The following ENPP2 variants were observed in gnomAD, a reference collection of about 807,000 sequenced individuals.
The protein encoded by ENPP2 is ectonucleotide pyrophosphatase/phosphodiesterase 2.
Under a neutral mutation model 120.2 loss-of-function variants are expected in ENPP2, and 51 were observed. The ratio of observed to expected loss-of-function variants is 0.42; its 90% CI spans 0.34 to 0.54. ENPP2 has a LOEUF of 0.54. Ranked by LOEUF, ENPP2 falls within the 20% of genes least tolerant of loss-of-function variation. The pLI, the probability that ENPP2 is intolerant of heterozygous loss-of-function variation, is 0.04. For synonymous variants in ENPP2, 365 were observed against 366.4 expected, an observed-to-expected ratio of 1.00 and a Z score of 0.04; for missense variants, 920 against 1,066.5, an observed-to-expected ratio of 0.86 and a Z score of 1.91.
Position 119,570,833 on chromosome 8 carries a change from G to A in ENPP2, c.1789C>T (p.Leu597Phe), listed in dbSNP as rs1370166755. The A allele has an allele frequency of 3.9e-6, 6 of 1,545,168 alleles. No individual in the cohort carries two copies. In the East Asian group the frequency reaches 1.4e-4, roughly 37 times the overall value. Residue 597 changes from leucine (L) to phenylalanine (F), a missense_variant, in exon 20 of 25, where the codon CTC becomes TTC. Leu to Phe is a conservative substitution (Grantham distance 22). Transcript: ENST00000075322. Reference sequence around the variant, plus strand: ...AGCACTGCAGGTCGCCCATAGAGGAGGTGTCTCTCTAAAAAAGAAAAAAAA... The same window carrying A: ...AGCACTGCAGGTCGCCCATAGAGGAAGTGTCTCTCTAAAAAAGAAAAAAAA... ...HTKGSTEERH[L>F]LYGRPAVLYR... is the part of the protein sequence containing the mutation.
chr8:119,567,496 TCATTGTGC>T (rs550587981), intron 22 of ENPP2, among the ~76,000 whole-genome samples: 24 of 152,342 alleles, frequency 1.6e-4, no homozygotes, highest in African/African-American at 4.3e-4. Context: ...GTGCCCGAGC[TCATTGTGC>T]CTATACAATT....
intron 2 of ENPP2, among the ~76,000 whole-genome samples, chr8:119,627,081 CT>C (rs1210746262): frequency 6.6e-6 from 1 of 151,884 alleles, no homozygotes; most frequent in Non-Finnish European, 1.5e-5. Context: ...ATTAGTGCCC[CT>C]GTGGGTGCTA....
intron 11 of ENPP2, among the ~76,000 whole-genome samples, chr8:119,600,391 C>T (rs1814213910): frequency 1.3e-5 from 2 of 152,150 alleles, no homozygotes. Flanking sequence ...ATTATTCACC[C>T]TCCAACTGAC....
Position 119,633,847 on chromosome 8 carries a change from C to T in ENPP2, c.136+4578G>A, listed in dbSNP as rs1212920518. Among the ~76,000 whole-genome samples, 3 of 151,688 alleles carry T rather than the reference C, an allele frequency of 2.0e-5. No homozygotes were observed. In the East Asian group the frequency reaches 5.8e-4, roughly 29 times the overall value. On this transcript the variant is annotated intron_variant, in intron 2 of 24. Transcript: ENST00000075322. ...TTTTTTTTTTAATAAAGAGGTCCAC[C>T]TGGGAAGTTTTTAAACACCTGTGCT... is the stretch of plus-strand genomic sequence containing the variant.
chr8:119,596,119 T>A, intron 11 of ENPP2: 1 of 900,726 alleles, frequency 1.1e-6, no homozygotes, highest in Non-Finnish European at 1.7e-6. Context: ...TAAGGCTCCT[T>A]AAGTGAGAAA....
At chr8:119,601,242 G>A (rs1814282875) in intron 10 of ENPP2, among the ~76,000 whole-genome samples, 155 bp downstream of exon 10, 1 of 152,166 alleles carries the variant, frequency 6.6e-6, no homozygotes, top group Non-Finnish European at 1.5e-5. Context: ...AAAGTCTATT[G>A]TATCCTTCTT....
intron 19 of ENPP2, chr8:119,572,202 A>C (rs953772476): frequency 6.4e-7 from 1 of 1,555,294 alleles, no homozygotes; most frequent in Admixed American, 1.9e-5. Context: ...ATTTCCATTA[A>C]TGTTTTCCTT....
intron 1 of ENPP2, among the ~76,000 whole-genome samples, chr8:119,667,893 A>T (rs918162697): frequency 6.6e-6 from 1 of 152,070 alleles, no homozygotes; most frequent in Non-Finnish European, 1.5e-5. Context: ...CTCCAGTCTC[A>T]TTTCTCTCAT....
At chr8:119,576,567 G>T (rs1464059896) in intron 19 of ENPP2, among the ~76,000 whole-genome samples, 1 of 152,134 alleles carries the variant, frequency 6.6e-6, no homozygotes, top group South Asian at 2.1e-4. Context: ...GCTAACCTAA[G>T]AAAATATGAA....
chr8:119,617,904 G>T, intron 5 of ENPP2, among the ~76,000 whole-genome samples: 2 of 152,132 alleles, frequency 1.3e-5, no homozygotes, highest in South Asian at 4.2e-4. Flanking sequence ...AGCTGAGATC[G>T]CACCATTGCA....
rs768489797 is a variant in ENPP2, at chr8:119,562,905, C to T, written c.2373G>A (p.Val791=). 1 of 1,614,150 alleles carries T rather than the reference C, an allele frequency of 6.2e-7. No individual in the cohort carries two copies. Among genetic ancestry groups the T allele is most frequent in the South Asian group, 1.1e-5 (1 of 91,080 alleles). The change falls in exon 24 of 25, where the codon GTG becomes GTA. Residue 791 remains valine, a synonymous_variant. Coordinates refer to ENST00000075322, the MANE Select transcript of ENPP2 (RefSeq NM_001040092.3). ...GCCGGTGAGGCAGGATGAAGGAGGA[C>T]ACAGAGAGAGGGCCGTCACACTTGT... ...PADKCDGPLS[V]SSFILPHRPD... is the part of the protein sequence containing the mutation.
chr8:119,576,677 T>C (rs1812365562), intron 19 of ENPP2, among the ~76,000 whole-genome samples: 1 of 152,214 alleles, frequency 6.6e-6, no homozygotes, highest in Non-Finnish European at 1.5e-5. Flanking sequence ...GTGCCAGAAT[T>C]GCTTGCTACA....
rs768719368 is a variant in ENPP2, at chr8:119,580,119, C to T, written c.1777G>A (p.Glu593Lys). Residue 593 changes from glutamate (E) to lysine (K), a missense_variant, in exon 19 of 25, where the codon GAA becomes AAA. By Grantham distance (56) the Glu-to-Lys change is moderately conservative. Coordinates refer to ENST00000075322, the MANE Select transcript of ENPP2 (RefSeq NM_001040092.3). ...NKRLHTKGST[E>K]ERHLLYGRPA... ...TTATTTTGCAACCACCCCTTACCTT[C>T]TGTAGACCCTTTTGTATGAAGCCGT... 1.9e-6 allele frequency: 3 copies of T among 1,612,324 alleles called. No homozygotes were observed. In the East Asian group the frequency reaches 6.7e-5, roughly 36 times the overall value.
intron 1 of ENPP2, among the ~76,000 whole-genome samples, chr8:119,656,165 A>T (rs12676423): frequency 1.3e-5 from 2 of 152,064 alleles, no homozygotes; most frequent in East Asian, 3.9e-4. Flanking sequence ...GCAAAAGATG[A>T]TGTTTTTCTC....
rs868703906 is a variant in ENPP2 at position 119,673,134 on chromosome 8, G to A, written c.21+118C>T. ...AGTGCACGGGAACACAGCCCAACAG[G>A]GACTGCTTTCCGGCAAACCTGGAGG... is the stretch of plus-strand genomic sequence containing the variant. On this transcript the variant is annotated intron_variant, in intron 1 of 25. Transcript: ENST00000427067. 58 of 840,314 alleles carry A rather than the reference G, an allele frequency of 6.9e-5. No individual in the cohort carries two copies. The Middle Eastern group carries it at 3.0e-3, about 44-fold the overall frequency. 52.1% of individuals were successfully genotyped at this position (840,314 alleles called of 1,614,324 possible).
chr8:119,620,446 TA>T (rs1418344381), intron 4 of ENPP2, among the ~76,000 whole-genome samples: 1 of 152,212 alleles, frequency 6.6e-6, no homozygotes, highest in Non-Finnish European at 1.5e-5. Context: ...AATATATTAA[TA>T]TAACACCCTC....
intron 19 of ENPP2, among the ~76,000 whole-genome samples, chr8:119,579,895 G>A (rs1318173463): frequency 6.6e-6 from 1 of 152,220 alleles, no homozygotes; most frequent in East Asian, 1.9e-4. Context: ...AAAAGCTATT[G>A]AGGGGGGAGA....
At chr8:119,560,763 C>T (rs897810739) in intron 24 of ENPP2, among the ~76,000 whole-genome samples, 4 of 152,138 alleles carry the variant, frequency 2.6e-5, no homozygotes, top group Admixed American at 6.6e-5. Context: ...AGGATGGGCT[C>T]TTGGAGTCAG....
In ENPP2 at chr8:119,638,528, CT is replaced by C; in HGVS notation, c.34-2del. The C allele has an allele frequency of 6.4e-7, 1 of 1,552,190 alleles. No homozygotes were observed. The highest frequency in any genetic ancestry group is 8.9e-7 in the Non-Finnish European group (1 of 1,123,506). On this transcript the variant is annotated splice_acceptor_variant, in intron 1 of 24. Coordinates refer to ENST00000075322, the MANE Select transcript of ENPP2 (RefSeq NM_001040092.3). LOFTEE classifies it high-confidence loss of function. ...CGGCAAAAGTGAACAGGGATATTAT[CT>C]AAGAGAATAAAGAGACCAAGTTGTC...
Sources: allele counts gnomAD v4.1 joint callset (sites outside exome capture counted in the v4.1 genomes callset), GRCh38; gene constraint gnomAD v4.1.1; transcripts MANE v1.5; gene names NCBI Gene and HGNC (gene_info 2026-07-23, HGNC 2026-07-21).